Variants in EML6 observed in about 807,000 individuals in gnomAD.
The protein encoded by EML6 is echinoderm microtubule-associated protein-like 6.
EML6 carries 154 observed loss-of-function variants against 240.1 expected under a neutral mutation model. That is an observed-to-expected ratio of 0.64 (90% CI 0.56 to 0.73). EML6 has a LOEUF of 0.73. Among genes scored for constraint, EML6 ranks in the 30% least tolerant of loss-of-function variants. EML6 has a pLI of 0.00. For missense variants in EML6, 2,964 were observed against 2,474.6 expected (o/e 1.20, Z -4.20); for synonymous variants, 1,148 against 899.0 (o/e 1.28, Z -4.95).
intron 25 of EML6, among the ~76,000 whole-genome samples, chr2:54,914,181 T>A (rs1343898867): frequency 6.6e-6 from 1 of 152,188 alleles, no homozygotes; most frequent in Non-Finnish European, 1.5e-5. Flanking sequence ...CACCTATATT[T>A]TAATCCTCAT....
chr2:54,746,633 T>G (rs1183167906), intron 2 of EML6, among the ~76,000 whole-genome samples: 1 of 152,196 alleles, frequency 6.6e-6, no homozygotes, highest in African/African-American at 2.4e-5. Flanking sequence ...AGGACTTAGT[T>G]TTTTTCTGAG....
intron 23 of EML6, 56 bp downstream of exon 23, chr2:54,903,252 C>G: frequency 1.3e-6 from 2 of 1,524,510 alleles, no homozygotes; most frequent in Non-Finnish European, 1.8e-6. Flanking sequence ...CAAAAAATTA[C>G]AAGAATGAAC....
chr2:54,960,658 A>G lies in EML6; in HGVS notation c.4968+324A>G, dbSNP rs199683076. Among the ~76,000 whole-genome samples, 7 of 152,184 alleles carry G rather than the reference A, an allele frequency of 4.6e-5. No individual in the cohort carries two copies. In the East Asian group the frequency reaches 1.2e-3, roughly 25 times the overall value. ...TCCCATTCAGGAGATGTTAGCTACT[A>G]GTATTATAGATGATATCCTCATAAG... On this transcript the variant is annotated intron_variant, in intron 35 of 41. Coordinates refer to ENST00000356458, the MANE Select transcript of EML6 (RefSeq NM_001039753.4).
At chr2:54,849,154 T>G (rs991187879) in intron 9 of EML6, among the ~76,000 whole-genome samples, 5 of 152,210 alleles carry the variant, frequency 3.3e-5, no homozygotes, top group African/African-American at 1.2e-4. Flanking sequence ...AATCGATACA[T>G]AATAGATACA....
chr2:54,838,345 GTGT>G (rs1232543644), intron 7 of EML6, among the ~76,000 whole-genome samples: 3 of 152,218 alleles, frequency 2.0e-5, no homozygotes, highest in Non-Finnish European at 2.9e-5. Flanking sequence ...ACTGGGTCAT[GTGT>G]TGTTGTGTTG....
At chr2:54,961,855 T>C (rs1676532399) in intron 35 of EML6, among the ~76,000 whole-genome samples, 1 of 151,310 alleles carries the variant, frequency 6.6e-6, no homozygotes, top group South Asian at 2.1e-4. Context: ...AATACAAAAA[T>C]TAGCCAGATG....
intron 16 of EML6, among the ~76,000 whole-genome samples, chr2:54,875,872 T>A (rs1313938533): frequency 2.0e-5 from 3 of 152,188 alleles, no homozygotes; most frequent in African/African-American, 7.2e-5. Context: ...AGCCTAAATA[T>A]CAACCATATA....
At chr2:54,733,229 T>G (rs1433263263) in intron 2 of EML6, among the ~76,000 whole-genome samples, 1 of 152,236 alleles carries the variant, frequency 6.6e-6, no homozygotes, top group Non-Finnish European at 1.5e-5. Context: ...CAGAGAATTT[T>G]TCTAAGGCTA....
At position 54,957,944 on chromosome 2, in the gene EML6, C is replaced by A; in HGVS notation, c.4641C>A (p.Ile1547=). 1 of 1,551,622 alleles carries A rather than the reference C, an allele frequency of 6.4e-7. No homozygotes were observed. The highest frequency in any genetic ancestry group is 1.2e-5 in the South Asian group (1 of 84,052). Residue 1547 remains isoleucine (I), a synonymous_variant, in exon 33 of 42, where the codon ATC becomes ATA. Coordinates refer to ENST00000356458, the MANE Select transcript of EML6 (RefSeq NM_001039753.4). The part of the protein sequence containing the change: ...GSALLYKKGV[I]GSLGAAKMQT... ...CCTTGCTTTACAAGAAAGGGGTCAT[C>A]GGGTCCCTGGGAGCTGCCAAAATGC...
chr2:54,965,504 G>T (rs1676708965), intron 38 of EML6, among the ~76,000 whole-genome samples: 1 of 152,134 alleles, frequency 6.6e-6, no homozygotes, highest in Non-Finnish European at 1.5e-5. Context: ...CTGGCTGTGC[G>T]GGAGACCGGA....
intron 2 of EML6, among the ~76,000 whole-genome samples, chr2:54,775,104 G>A (rs1668542926): frequency 6.6e-6 from 1 of 152,220 alleles, no homozygotes; most frequent in Non-Finnish European, 1.5e-5. Flanking sequence ...TCTAACTGGT[G>A]TGCCAGTTCC....
At chr2:54,878,710 G>A (rs895243487) in intron 16 of EML6, among the ~76,000 whole-genome samples, 12 of 152,108 alleles carry the variant, frequency 7.9e-5, no homozygotes, top group African/African-American at 2.7e-4. Context: ...ACAATAAGCA[G>A]TTATACATAG....
chr2:54,887,242 C>G (rs896599238), intron 17 of EML6, among the ~76,000 whole-genome samples: 2 of 152,218 alleles, frequency 1.3e-5, no homozygotes, highest in Non-Finnish European at 2.9e-5. Flanking sequence ...GTAGCATCAG[C>G]TGACAACCTT....
chr2:54,812,354 T>C (rs1667889546), intron 2 of EML6, among the ~76,000 whole-genome samples: 1 of 151,996 alleles, frequency 6.6e-6, no homozygotes, highest in Admixed American at 6.6e-5. Context: ...CCATTTACTG[T>C]GTTAAGCAGA....
At chr2:54,805,386 C>T (rs571056338) in intron 2 of EML6, among the ~76,000 whole-genome samples, 5 of 152,274 alleles carry the variant, frequency 3.3e-5, no homozygotes, top group South Asian at 4.1e-4. Flanking sequence ...AAAGACTTTT[C>T]AAAGTGATTT....
intron 5 of EML6, among the ~76,000 whole-genome samples, chr2:54,823,635 C>T (rs1668433185): frequency 6.6e-6 from 1 of 152,044 alleles, no homozygotes; most frequent in Non-Finnish European, 1.5e-5. Flanking sequence ...CATGTGAGTT[C>T]ATAATGATCC....
rs1156235289 is a variant in EML6 at position 54,968,178 on chromosome 2, CTGA to C, written c.5651_5653del (p.Asp1884del). On this transcript the variant is annotated inframe_deletion, in exon 40 of 42. Transcript: ENST00000356458. Reference sequence around the variant, plus strand: ...ATCTGGCCACGAAATGCAGACAAGGCTGATGTCAACTGCGCATGTGTGACCCAC... The same window carrying C: ...ATCTGGCCACGAAATGCAGACAAGGCTGTCAACTGCGCATGTGTGACCCAC... The C allele has an allele frequency of 2.6e-6, 4 of 1,551,552 alleles. No individual in the cohort carries two copies. The African/African-American group carries it at 5.5e-5, about 21-fold the overall frequency.
chr2:54,895,531 A>C, intron 21 of EML6, 131 bp downstream of exon 21: 1 of 806,408 alleles, frequency 1.2e-6, no homozygotes, highest in Middle Eastern at 2.3e-4. Flanking sequence ...TGAACTAGTT[A>C]CCTATTGCTG....
At chr2:54,931,157 C>CGGT (rs1674839650) in intron 28 of EML6, among the ~76,000 whole-genome samples, 1 of 151,974 alleles carries the variant, frequency 6.6e-6, no homozygotes, top group African/African-American at 2.4e-5. Flanking sequence ...CGGGGTTTCA[C>CGGT]CGTGTTAGCC....
Sources: gnomAD v4.1 joint callset for allele counts (sites outside exome capture counted in the v4.1 genomes callset) on GRCh38, gnomAD v4.1.1 for gene constraint, MANE v1.5 for transcripts, NCBI Gene and HGNC (gene_info 2026-07-23, HGNC 2026-07-21) for gene names.